The following CWF19L2 variants were observed in gnomAD, a reference collection of about 807,000 sequenced individuals.
CWF19L2 encodes the protein CWF19-like protein 2.
A neutral mutation model predicts 111.7 loss-of-function variants in CWF19L2; 98 were observed. The ratio of observed to expected loss-of-function variants is 0.88; its 90% CI spans 0.75 to 1.04. CWF19L2 has a LOEUF of 1.04. Ranked by LOEUF, CWF19L2 falls within the 50% of genes least tolerant of loss-of-function variation. The pLI, the probability that CWF19L2 is intolerant of heterozygous loss-of-function variation, is 0.00. For missense variants in CWF19L2, 1,101 were observed against 1,051.4 expected (o/e 1.05, Z -0.65); for synonymous variants, 351 against 342.9 (o/e 1.02, Z -0.26).
At chr11:107,405,850 A>AAAGAAGAAGAAGAAG (rs3050912) in intron 10 of CWF19L2, among the ~76,000 whole-genome samples, 7 of 141,816 alleles carry the variant, frequency 4.9e-5, no homozygotes, top group Non-Finnish European at 1.1e-4. Flanking sequence ...AAAAAAAAAA[A>AAAGAAGAAGAAGAAG]AAGAAGAAGA....
chr11:107,455,678 T>C lies in CWF19L2; in HGVS notation c.204A>G (p.Glu68=). 3.9e-6 allele frequency: 6 copies of C among 1,543,844 alleles called. No homozygotes were observed. The highest frequency in any genetic ancestry group is 4.4e-6 in the Non-Finnish European group (5 of 1,140,506). ...TGTTAGTATTCACCTGTGAGAACTGTTCAATTCTCTCATTCACATCAGGTA... is the reference window on the plus strand; with the variant it reads ...TGTTAGTATTCACCTGTGAGAACTGCTCAATTCTCTCATTCACATCAGGTA... ...WMLPDVNERI[E]QFSQEHSVKK... is the part of the protein sequence containing the mutation. The change falls in exon 2 of 18, where the codon GAA becomes GAG. Residue 68 remains glutamate, a synonymous_variant. Coordinates refer to ENST00000282251, the MANE Select transcript of CWF19L2 (RefSeq NM_152434.3).
At chr11:107,439,035 GAAAAAAAAAA>G (rs375132996) in intron 6 of CWF19L2, 45 bp downstream of exon 6, 4 of 292,198 alleles carry the variant, frequency 1.4e-5, no homozygotes, top group Non-Finnish European at 2.3e-5. Flanking sequence ...ACTCTGTCTC[GAAAAAAAAAA>G]AAAAAAAAAA....
intron 4 of CWF19L2, among the ~76,000 whole-genome samples, chr11:107,442,735 A>AAAGAAAGGAAGG (rs1861637044): frequency 1.4e-5 from 1 of 73,100 alleles, no homozygotes; most frequent in African/African-American, 5.7e-5. Flanking sequence ...AGAAAGAAAG[A>AAAGAAAGGAAGG]AAGGAAGGAA....
intron 12 of CWF19L2, among the ~76,000 whole-genome samples, chr11:107,388,844 C>A (rs1860808631): frequency 2.0e-5 from 3 of 152,122 alleles, no homozygotes; most frequent in Non-Finnish European, 4.4e-5. Flanking sequence ...CTTCTTTCTG[C>A]ATTAAAATTC....
At chr11:107,446,011 T>C (rs1230879570) in intron 3 of CWF19L2, among the ~76,000 whole-genome samples, 1 of 152,190 alleles carries the variant, frequency 6.6e-6, no homozygotes, top group Non-Finnish European at 1.5e-5. Flanking sequence ...GGCAATGCTG[T>C]AAGGATGATG....
In CWF19L2 at chr11:107,457,745, C is replaced by G; in HGVS notation, c.72G>C (p.Gln24His). 1 of 1,551,682 alleles carries G rather than the reference C, an allele frequency of 6.4e-7. No individual in the cohort carries two copies. The highest frequency in any genetic ancestry group is 8.7e-7 in the Non-Finnish European group (1 of 1,146,936). Residue 24 changes from glutamine to histidine, a missense_variant, in exon 1 of 18, where the codon CAG becomes CAC. Physicochemically the swap from Gln to His is conservative, Grantham distance 24 (BLOSUM62 0). Coordinates refer to ENST00000282251, the MANE Select transcript of CWF19L2 (RefSeq NM_152434.3). ...SAKSIEERKE[Q>H]TRNARAEVLR... ...ACACCTCGGCCCTGGCATTCCGGGT[C>G]TGTTCTTTCCGCTCTTCGATACTCT... is the stretch of plus-strand genomic sequence containing the variant.
chr11:107,433,734 T>G lies in CWF19L2; in HGVS notation c.680A>C (p.Asp227Ala), dbSNP rs145898345. 1 of 1,568,286 alleles carries G rather than the reference T, an allele frequency of 6.4e-7. No individual in the cohort carries two copies. The highest frequency in any genetic ancestry group is 2.3e-5 in the East Asian group (1 of 42,778). Reference protein sequence around the residue: ...SSITKVSVVEDGGLSWLRKSY... With the variant: ...SSITKVSVVEAGGLSWLRKSY... Reference sequence around the variant, plus strand: ...TTTCCTTAGCCAGCTTAATCCACCATCTTCTACCACTGAAACTAAATTCCA... The same window carrying G: ...TTTCCTTAGCCAGCTTAATCCACCAGCTTCTACCACTGAAACTAAATTCCA... The change falls in exon 7 of 18, where the codon GAT (aspartate) becomes GCT (alanine). Residue 227 changes from aspartate (D) to alanine (A), a missense_variant. Transcript: ENST00000282251.
chr11:107,455,153 A>T (rs532564367), intron 2 of CWF19L2, among the ~76,000 whole-genome samples: 1 of 152,276 alleles, frequency 6.6e-6, no homozygotes, highest in South Asian at 2.1e-4. Context: ...AAGCCATTGA[A>T]GAACAGACTT....
chr11:107,362,643 A>G (rs1283210462), intron 12 of CWF19L2, among the ~76,000 whole-genome samples: 1 of 151,594 alleles, frequency 6.6e-6, no homozygotes, highest in Non-Finnish European at 1.5e-5. Context: ...TAACAAACAG[A>G]AAGGACATCC....
At position 107,378,283 on chromosome 11, in the gene CWF19L2, C is replaced by T. The variant is rs1368819888; in HGVS notation, c.1872+11791G>A. Among the ~76,000 whole-genome samples the T allele has an allele frequency of 2.0e-5, 3 of 149,706 alleles. No homozygotes were observed. In the South Asian group the frequency reaches 6.4e-4, roughly 32 times the overall value. ...CATTACTGGGTATATACCCAAAGGA[C>T]TATAAATCATGCTGCTATAAAGACA... On this transcript the variant is annotated intron_variant, in intron 12 of 17. Coordinates refer to ENST00000282251, the MANE Select transcript of CWF19L2 (RefSeq NM_152434.3).
intron 8 of CWF19L2, 122 bp from the exon 9 acceptor site, chr11:107,418,409 G>A: frequency 5.8e-6 from 4 of 683,990 alleles, no homozygotes; most frequent in Non-Finnish European, 2.7e-6. Flanking sequence ...AGCAGATCAT[G>A]ATTGTAATAC....
At chr11:107,363,356 C>G (rs1383931692) in intron 12 of CWF19L2, among the ~76,000 whole-genome samples, 2 of 151,974 alleles carry the variant, frequency 1.3e-5, no homozygotes, top group Non-Finnish European at 2.9e-5. Context: ...AGAGCAACAC[C>G]AGGACACATA....
intron 10 of CWF19L2, among the ~76,000 whole-genome samples, chr11:107,393,561 A>G (rs1228973640): frequency 2.6e-5 from 4 of 152,334 alleles, no homozygotes; most frequent in Admixed American, 1.3e-4. Context: ...AGAAATTGTT[A>G]TATCAAAAAG....
chr11:107,406,595 A>G (rs575014669), intron 10 of CWF19L2, among the ~76,000 whole-genome samples: 1 of 152,118 alleles, frequency 6.6e-6, no homozygotes, highest in East Asian at 1.9e-4. Flanking sequence ...AAGGCATCAT[A>G]TAGGCGCAAT....
chr11:107,372,790 T>C (rs1033231977), intron 12 of CWF19L2, among the ~76,000 whole-genome samples: 1 of 132,070 alleles, frequency 7.6e-6, no homozygotes, highest in African/African-American at 3.2e-5. Context: ...AAATAGGAAC[T>C]GCTCCGGTCT....
chr11:107,403,590 C>T, intron 10 of CWF19L2: 2 of 786,398 alleles, frequency 2.5e-6, no homozygotes, highest in South Asian at 2.7e-5. Context: ...TCTGTCGTTT[C>T]TTCAAGGTGT....
At chr11:107,378,625 A>G (rs1482823406) in intron 12 of CWF19L2, among the ~76,000 whole-genome samples, 2 of 151,142 alleles carry the variant, frequency 1.3e-5, no homozygotes, top group African/African-American at 4.8e-5. Flanking sequence ...TGTGGGGTGG[A>G]GGGAGGAGGG....
At chr11:107,427,556 T>G (rs1348467255) in intron 8 of CWF19L2, among the ~76,000 whole-genome samples, 1 of 152,104 alleles carries the variant, frequency 6.6e-6, no homozygotes, top group Non-Finnish European at 1.5e-5. Context: ...TGGTATTACT[T>G]TGCAGACATT....
chr11:107,343,734 GT>G (rs900174927), intron 14 of CWF19L2, among the ~76,000 whole-genome samples: 1 of 151,886 alleles, frequency 6.6e-6, no homozygotes, highest in African/African-American at 2.4e-5. Flanking sequence ...AATTTGTATA[GT>G]TTTTAAAGTG....
Sources: allele counts gnomAD v4.1 joint callset (sites outside exome capture counted in the v4.1 genomes callset), GRCh38; gene constraint gnomAD v4.1.1; transcripts MANE v1.5; gene names NCBI Gene and HGNC (gene_info 2026-07-23, HGNC 2026-07-21).